CSPP1: variants seen among roughly 807,000 people sequenced by gnomAD.
CSPP1 encodes centrosome and spindle pole-associated protein 1.
CSPP1 carries 126 observed loss-of-function variants against 164.4 expected under a neutral mutation model. That is an observed-to-expected ratio of 0.77 (90% CI 0.66 to 0.89). The LOEUF (loss-of-function observed/expected upper bound fraction) is 0.89, where lower values mean the gene tolerates loss of function less well. Ranked by LOEUF, CSPP1 falls within the 40% of genes least tolerant of loss-of-function variation. The probability of loss-of-function intolerance (pLI) is 0.00; values close to 1 mark genes in which losing one functional copy is unlikely to be tolerated. For missense variants in CSPP1, 1,395 were observed against 1,449.8 expected (o/e 0.96, Z 0.61); for synonymous variants, 472 against 476.7 (o/e 0.99, Z 0.13).
At position 67,095,301 on chromosome 8, in the gene CSPP1, T is replaced by G; in HGVS notation, c.492T>G (p.Ser164Arg). The change falls in exon 7 of 31, where the codon AGT (serine) becomes AGG (arginine). Residue 164 changes from serine to arginine, a missense_variant. Ser to Arg is a moderately radical substitution (Grantham distance 110, BLOSUM62 -1). Transcript: ENST00000678616. ...RQVEKSTEPK[S>R]QRNKKPIGQV... ...CTTTTTTAATTGAACAGCCCAAGAG[T>G]CAGAGAAATAAAAAACCTATTGGTC... 3 of 1,559,030 alleles carry G rather than the reference T, an allele frequency of 1.9e-6. No individual in the cohort carries two copies. The highest frequency in any genetic ancestry group is 2.6e-6 in the Non-Finnish European group (3 of 1,159,732).
chr8:67,128,923 A>T (rs1313912774), intron 15 of CSPP1, among the ~76,000 whole-genome samples: 1 of 152,142 alleles, frequency 6.6e-6, no homozygotes, highest in African/African-American at 2.4e-5. Flanking sequence ...CTTGTCCGTT[A>T]ATTGGGGTAA....
intron 3 of CSPP1, among the ~76,000 whole-genome samples, chr8:67,084,664 A>G (rs764216103): frequency 6.6e-6 from 1 of 151,900 alleles, no homozygotes; most frequent in African/African-American, 2.4e-5. Flanking sequence ...GCTTGAGGCC[A>G]GGAGGTTGAG....
chr8:67,106,330 C>A (rs1358267433), intron 9 of CSPP1, among the ~76,000 whole-genome samples: 1 of 151,710 alleles, frequency 6.6e-6, no homozygotes, highest in Non-Finnish European at 1.5e-5. Context: ...CATTACCAAT[C>A]AGTAATGAGC....
In CSPP1 at chr8:67,119,006, A is replaced by G. The variant is rs575385746; in HGVS notation, c.1697+185A>G. 5.9e-5 allele frequency among the ~76,000 whole-genome samples: 9 copies of G among 152,260 alleles called. No homozygotes were observed. In the East Asian group the frequency reaches 9.6e-4, roughly 16 times the overall value. ...TTTTCATCTTGTAAACTGAAACTCT[A>G]TACCCATTAAATAATAATGGTGTAC... On this transcript the variant is annotated intron_variant, in intron 15 of 30. Coordinates refer to ENST00000678616, the MANE Select transcript of CSPP1 (RefSeq NM_001382391.1).
intron 3 of CSPP1, 69 bp downstream of exon 3, chr8:67,076,650 T>A (rs1292534480): frequency 1.2e-6 from 1 of 865,398 alleles, no homozygotes; most frequent in African/African-American, 1.8e-5. Flanking sequence ...GAGGTTTGTC[T>A]TGTCAGAAAA....
At chr8:67,079,680 A>G (rs1808749877) in intron 3 of CSPP1, among the ~76,000 whole-genome samples, 2 of 152,232 alleles carry the variant, frequency 1.3e-5, no homozygotes, top group East Asian at 1.9e-4. Flanking sequence ...TTTTTCTTAT[A>G]TGATAAATTT....
At chr8:67,074,519 G>A (rs1417335340) in intron 2 of CSPP1, among the ~76,000 whole-genome samples, 168 bp downstream of exon 2, 1 of 152,134 alleles carries the variant, frequency 6.6e-6, no homozygotes. Context: ...TTTGAATGCA[G>A]TTTTTCTTTT....
At chr8:67,168,475 A>C (rs941102180) in intron 24 of CSPP1, among the ~76,000 whole-genome samples, 4 of 152,218 alleles carry the variant, frequency 2.6e-5, no homozygotes, top group Non-Finnish European at 5.9e-5. Context: ...AAAATTATAC[A>C]TGATAATTTC....
At chr8:67,076,318 A>G (rs1193413007) in intron 2 of CSPP1, among the ~76,000 whole-genome samples, 164 bp from the exon 3 acceptor site, 2 of 152,224 alleles carry the variant, frequency 1.3e-5, no homozygotes, top group Non-Finnish European at 2.9e-5. Context: ...AATATCTATT[A>G]TAAAATTAAA....
chr8:67,067,577 C>G (rs1344100926), intron 1 of CSPP1, among the ~76,000 whole-genome samples: 2 of 152,156 alleles, frequency 1.3e-5, no homozygotes, highest in Non-Finnish European at 2.9e-5. Context: ...CATTCTCCTG[C>G]CTCAGCCTTC....
At position 67,162,033 on chromosome 8, in the gene CSPP1, T is replaced by C. The variant is rs1341835278; in HGVS notation, c.2643+118T>C. ...GTTAAATTTTTTCAGATCTGAAATA[T>C]AGGTGATATCTACAGTAATTTGCCT... On this transcript the variant is annotated intron_variant, in intron 22 of 30. Coordinates refer to ENST00000678616, the MANE Select transcript of CSPP1 (RefSeq NM_001382391.1). 12 of 669,966 alleles carry C rather than the reference T, an allele frequency of 1.8e-5. No individual in the cohort carries two copies. In the Admixed American group the frequency reaches 2.3e-4, roughly 13 times the overall value. The allele number at this position is 669,966 out of a possible 1,614,324, so 41.5% of individuals were successfully genotyped here. A position where few individuals can be genotyped will look rare whatever the true frequency, so the allele number is the denominator to read the frequency against.
At position 67,150,668 on chromosome 8, in the gene CSPP1, C is replaced by T. The variant is rs575945052; in HGVS notation, c.2128+733C>T. Among the ~76,000 whole-genome samples the T allele has an allele frequency of 5.3e-5, 8 of 152,142 alleles. No homozygotes were observed. The East Asian group carries it at 5.8e-4, about 11-fold the overall frequency. ...CATCCGCCTCCACCTCCCAAAGTGC[C>T]GGGATTACAGGCGTGAGCCATCGCC... On this transcript the variant is annotated intron_variant, in intron 18 of 30. Transcript: ENST00000678616.
At chr8:67,082,210 G>C (rs1481233084) in intron 3 of CSPP1, among the ~76,000 whole-genome samples, 1 of 152,134 alleles carries the variant, frequency 6.6e-6, no homozygotes, top group Non-Finnish European at 1.5e-5. Context: ...ACCACACCCA[G>C]CTACTTTTTT....
chr8:67,156,034 A>G (rs1177569289), intron 19 of CSPP1, among the ~76,000 whole-genome samples: 1 of 152,168 alleles, frequency 6.6e-6, no homozygotes, highest in Non-Finnish European at 1.5e-5. Context: ...TGGTATATTG[A>G]CCATGACAGC....
At chr8:67,083,485 TTG>T (rs1809646287) in intron 3 of CSPP1, among the ~76,000 whole-genome samples, 1 of 139,516 alleles carries the variant, frequency 7.2e-6, no homozygotes, top group African/African-American at 2.8e-5. Flanking sequence ...TGAGCCAAGA[TTG>T]CGCCACTGCA....
chr8:67,135,153 T>C (rs1331664509), intron 16 of CSPP1: 2 of 152,292 alleles, frequency 1.3e-5, no homozygotes, highest in East Asian at 3.9e-4. Flanking sequence ...TGCTGCCTCA[T>C]GTTGTACTTT....
chr8:67,098,616 C>A (rs1813354051), intron 7 of CSPP1, among the ~76,000 whole-genome samples: 1 of 151,838 alleles, frequency 6.6e-6, no homozygotes, highest in Non-Finnish European at 1.5e-5. Flanking sequence ...TTTACCAATT[C>A]AAGTAAAATT....
intron 7 of CSPP1, among the ~76,000 whole-genome samples, chr8:67,097,836 C>A (rs909069277): frequency 4.0e-5 from 6 of 151,644 alleles, no homozygotes; most frequent in African/African-American, 7.3e-5. Flanking sequence ...ATAAACTTTT[C>A]CAAATACTAT....
intron 17 of CSPP1, among the ~76,000 whole-genome samples, chr8:67,142,941 G>C (rs1317013746): frequency 6.6e-6 from 1 of 152,142 alleles, no homozygotes; most frequent in Non-Finnish European, 1.5e-5. Context: ...AGATGGTGTA[G>C]AGAGTATCCT....
Sources: allele counts gnomAD v4.1 joint callset (sites outside exome capture counted in the v4.1 genomes callset), GRCh38; gene constraint gnomAD v4.1.1; transcripts MANE v1.5; gene names NCBI Gene and HGNC (gene_info 2026-07-23, HGNC 2026-07-21).